Variants in DENND1B observed in about 807,000 individuals in gnomAD.
The protein encoded by DENND1B is DENN domain-containing protein 1B.
A neutral mutation model predicts 90.1 loss-of-function variants in DENND1B; 59 were observed. The ratio of observed to expected loss-of-function variants is 0.65; its 90% CI spans 0.53 to 0.81. DENND1B has a LOEUF of 0.81. Ranked by LOEUF, DENND1B falls within the 40% of genes least tolerant of loss-of-function variation. The pLI is 0.00. For synonymous variants in DENND1B, 337 were observed against 324.6 expected (o/e 1.04, Z -0.41); for missense variants, 862 against 912.6 (o/e 0.94, Z 0.71).
chr1:197,754,186 A>G (rs555676464), intron 2 of DENND1B, among the ~76,000 whole-genome samples: 2 of 152,238 alleles, frequency 1.3e-5, no homozygotes, highest in South Asian at 4.1e-4. Flanking sequence ...AAGAGGATTA[A>G]TACCCAGTAT....
chr1:197,772,639 G>A (rs1382828020), intron 2 of DENND1B, among the ~76,000 whole-genome samples: 3 of 152,086 alleles, frequency 2.0e-5, no homozygotes, highest in Admixed American at 6.5e-5. Flanking sequence ...CCTGGGCAAC[G>A]TGGTGAACCC....
At chr1:197,750,178 A>G (rs748229469) in intron 2 of DENND1B, among the ~76,000 whole-genome samples, 136 of 152,338 alleles carry the variant, frequency 8.9e-4, no homozygotes, top group Non-Finnish European at 1.6e-3. Flanking sequence ...AAAATAGTGT[A>G]TGACAGCAAT....
At chr1:197,552,262 C>A (rs1671300031) in intron 16 of DENND1B, 9 of 983,086 alleles carry the variant, frequency 9.2e-6, no homozygotes, top group Non-Finnish European at 1.1e-5. Flanking sequence ...ATACAGAATA[C>A]AAGGATTTTT....
In DENND1B at chr1:197,509,602, T is replaced by C. The variant is rs1276090483; in HGVS notation, c.*858A>G. On this transcript the variant is annotated 3_prime_UTR_variant, in exon 23 of 23. Coordinates refer to ENST00000620048, the MANE Select transcript of DENND1B (RefSeq NM_001195215.2). ...GAGATGATGATATGAAGCATTTTGATAGAGAATTATTAGTTAAAAAAAGAT... is the reference window on the plus strand; with the variant it reads ...GAGATGATGATATGAAGCATTTTGACAGAGAATTATTAGTTAAAAAAAGAT... 6.7e-6 allele frequency: 1 copy of C among 149,880 alleles called. No homozygotes were observed. The highest frequency in any genetic ancestry group is 1.5e-5 in the Non-Finnish European group (1 of 67,570). 9.3% of individuals were successfully genotyped at this position (149,880 alleles called of 1,614,324 possible).
At chr1:197,517,632 G>C (rs549617520) in intron 20 of DENND1B, among the ~76,000 whole-genome samples, 63 of 151,976 alleles carry the variant, frequency 4.1e-4, no homozygotes, top group South Asian at 2.9e-3. Flanking sequence ...TGCTGACAGA[G>C]TGATCTTTTT....
intron 20 of DENND1B, among the ~76,000 whole-genome samples, chr1:197,529,242 A>ATGTG (rs1160722638): frequency 5.3e-3 from 58 of 10,846 alleles, no homozygotes; most frequent in Admixed American, 9.4e-3. Flanking sequence ...ATATATATAT[A>ATGTG]TGTGTGTGTG....
intron 16 of DENND1B, chr1:197,552,703 A>G: frequency 9.2e-7 from 1 of 1,086,838 alleles, no homozygotes; most frequent in Non-Finnish European, 1.1e-6. Flanking sequence ...TTTCTAGCAG[A>G]GAATACTACT....
At chr1:197,674,703 C>G (rs1170036819) in intron 3 of DENND1B, among the ~76,000 whole-genome samples, 1 of 151,256 alleles carries the variant, frequency 6.6e-6, no homozygotes, top group African/African-American at 2.4e-5. Context: ...CTTTCTATAG[C>G]CAAAGAAACA....
chr1:197,515,149 A>G (rs933567784), intron 20 of DENND1B, among the ~76,000 whole-genome samples: 2 of 151,426 alleles, frequency 1.3e-5, no homozygotes, highest in African/African-American at 2.4e-5. Context: ...TCCCTACTCC[A>G]CTCCCTTTAT....
intron 16 of DENND1B, chr1:197,552,486 T>C (rs1671320358): frequency 1.0e-6 from 1 of 985,356 alleles, no homozygotes; most frequent in Non-Finnish European, 1.2e-6. Flanking sequence ...GAAGGATTAA[T>C]TGTACTTATG....
intron 3 of DENND1B, among the ~76,000 whole-genome samples, chr1:197,680,451 TAA>T (rs1656571098): frequency 6.6e-6 from 1 of 152,130 alleles, no homozygotes; most frequent in Non-Finnish European, 1.5e-5. Context: ...AGACTTAAGA[TAA>T]GTAGGAAAAT....
At chr1:197,561,446 C>T (rs1023356711) in intron 15 of DENND1B, among the ~76,000 whole-genome samples, 1 of 151,842 alleles carries the variant, frequency 6.6e-6, no homozygotes, top group Admixed American at 6.6e-5. Context: ...CTTTCATAAC[C>T]TCCGTTGCTA....
intron 3 of DENND1B, among the ~76,000 whole-genome samples, chr1:197,681,777 A>C (rs1656720374): frequency 6.6e-6 from 1 of 152,060 alleles, no homozygotes; most frequent in African/African-American, 2.4e-5. Context: ...AAACCACCAC[A>C]TTATTTCTCT....
intron 14 of DENND1B, among the ~76,000 whole-genome samples, chr1:197,594,573 T>C (rs1244488523): frequency 6.6e-6 from 1 of 152,150 alleles, no homozygotes; most frequent in African/African-American, 2.4e-5. Context: ...CAGCCTAACA[T>C]GCTCTAACCA....
chr1:197,628,289 T>C (rs1282909892), intron 10 of DENND1B, among the ~76,000 whole-genome samples: 3 of 152,008 alleles, frequency 2.0e-5, no homozygotes, highest in South Asian at 2.1e-4. Flanking sequence ...TACAAGGCTA[T>C]AGTAACCAAA....
intron 5 of DENND1B, among the ~76,000 whole-genome samples, chr1:197,669,628 T>C (rs1364043077): frequency 1.3e-5 from 2 of 152,044 alleles, no homozygotes; most frequent in Non-Finnish European, 2.9e-5. Context: ...TATTAAGATA[T>C]GCCATTAAAA....
At chr1:197,639,654 C>T (rs1680103392) in intron 10 of DENND1B, among the ~76,000 whole-genome samples, 1 of 151,808 alleles carries the variant, frequency 6.6e-6, no homozygotes, top group Non-Finnish European at 1.5e-5. Context: ...ACGTTAATTT[C>T]GAACATTAAA....
intron 3 of DENND1B, among the ~76,000 whole-genome samples, chr1:197,696,832 G>C (rs993073422): frequency 6.7e-6 from 1 of 148,996 alleles, no homozygotes; most frequent in African/African-American, 2.5e-5. Flanking sequence ...TGAAAAATGA[G>C]AAAGTTCTGC....
At chr1:197,545,055 A>AGAAGGAGAAGGAGAAGGAGAAGGAGAAGG (rs1401718247) in intron 18 of DENND1B, among the ~76,000 whole-genome samples, 397 of 12,884 alleles carry the variant, frequency 0.031, 4 homozygotes, top group African/African-American at 0.047. Flanking sequence ...GAAGGAGAAG[A>AGAAGGAGAAGGAGAAGGAGAAGGAGAAGG]AGAAGAAGAA....
Sources: gnomAD v4.1 joint callset for allele counts (sites outside exome capture counted in the v4.1 genomes callset) on GRCh38, gnomAD v4.1.1 for gene constraint, MANE v1.5 for transcripts, NCBI Gene and HGNC (gene_info 2026-07-23, HGNC 2026-07-21) for gene names.